Variants in SAMHD1 observed in about 807,000 individuals in gnomAD.
SAMHD1 encodes deoxynucleoside triphosphate triphosphohydrolase SAMHD1.
Under a neutral mutation model 79.6 loss-of-function variants are expected in SAMHD1, and 54 were observed. The ratio of observed to expected loss-of-function variants is 0.68; its 90% confidence interval spans 0.55 to 0.85. SAMHD1 has a LOEUF of 0.85. SAMHD1 is among the 40% of genes least tolerant of loss of function. The pLI, the probability that SAMHD1 is intolerant of heterozygous loss-of-function variation, is 0.00. For missense variants in SAMHD1, 663 were observed against 782.7 expected (o/e 0.85, Z 1.82); for synonymous variants, 260 against 264.1 (o/e 0.98, Z 0.15).
At chr20:36,903,921 A>G in intron 13 of SAMHD1, 1 of 412,414 alleles carries the variant, frequency 2.4e-6, no homozygotes, top group Non-Finnish European at 4.4e-6. Flanking sequence ...GTGTAATTAA[A>G]AATTTTTAAT....
chr20:36,923,213 A>G (rs915018987), intron 6 of SAMHD1, among the ~76,000 whole-genome samples: 7 of 150,732 alleles, frequency 4.6e-5, no homozygotes, highest in Non-Finnish European at 8.9e-5. Flanking sequence ...GTTAGCCAGG[A>G]TGGTCTCAAT....
intron 3 of SAMHD1, among the ~76,000 whole-genome samples, chr20:36,939,390 C>T (rs571448889): frequency 5.2e-4 from 79 of 151,686 alleles, no homozygotes; most frequent in Non-Finnish European, 8.1e-4. Flanking sequence ...GTCAGGAGTT[C>T]GAGACCAGCC....
Position 36,946,766 on chromosome 20 carries a change from C to T in SAMHD1, c.247G>A (p.Glu83Lys). ...ITGALLPCLD[E>K]SRFENLGVSS... Reference sequence around the variant, plus strand: ...ACTCCAAGATTTTCAAAACGAGACTCATCAAGACAAGGCAGTAATGCGCCT... The same window carrying T: ...ACTCCAAGATTTTCAAAACGAGACTTATCAAGACAAGGCAGTAATGCGCCT... Residue 83 changes from glutamate to lysine, a missense_variant, in exon 2 of 16, where the codon GAG becomes AAG. Physicochemically the swap from Glu to Lys is moderately conservative, Grantham distance 56. Coordinates refer to ENST00000646673, the MANE Select transcript of SAMHD1 (RefSeq NM_015474.4). 6.2e-7 allele frequency: 1 copy of T among 1,613,192 alleles called. No homozygotes were observed. The highest frequency in any genetic ancestry group is 8.5e-7 in the Non-Finnish European group (1 of 1,179,424).
In SAMHD1 at chr20:36,890,666, A is replaced by G. The variant is rs924247120; in HGVS notation, c.*2266T>C. ...GCTAATTTTTGTATTTTTAGTAGAGACTGGGTTTCGCCATGCTAGCCAGGC... is the reference window on the plus strand; with the variant it reads ...GCTAATTTTTGTATTTTTAGTAGAGGCTGGGTTTCGCCATGCTAGCCAGGC... On this transcript the variant is annotated 3_prime_UTR_variant, in exon 16 of 16. Coordinates refer to ENST00000646673, the MANE Select transcript of SAMHD1 (RefSeq NM_015474.4). 6.6e-6 allele frequency: 1 copy of G among 151,920 alleles called. No individual in the cohort carries two copies. The highest frequency in any genetic ancestry group is 1.5e-5 in the Non-Finnish European group (1 of 68,012). 9.4% of individuals were successfully genotyped at this position (151,920 alleles called of 1,614,324 possible). A position where few individuals can be genotyped will look rare whatever the true frequency, so the allele number is the denominator to read the frequency against.
chr20:36,897,513 A>G (rs1026314937), intron 15 of SAMHD1: 13 of 424,430 alleles, frequency 3.1e-5, no homozygotes, highest in Non-Finnish European at 5.7e-5. Flanking sequence ...CCTCTGAAAG[A>G]TGGAGACACT....
chr20:36,949,440 A>T (rs1035466209), intron 1 of SAMHD1, among the ~76,000 whole-genome samples: 1 of 149,040 alleles, frequency 6.7e-6, no homozygotes, highest in African/African-American at 2.5e-5. Flanking sequence ...AACATGGCAA[A>T]ACCCTGTCTC....
At chr20:36,951,333 C>A in intron 1 of SAMHD1, 103 bp downstream of exon 1, 2 of 1,529,270 alleles carry the variant, frequency 1.3e-6, no homozygotes, top group Non-Finnish European at 1.8e-6. Flanking sequence ...CCGCAGGGCT[C>A]GCTCCTCGGC....
In SAMHD1 at chr20:36,909,585, C is replaced by T. The variant is rs149937761; in HGVS notation, c.1270+1633G>A. Among the ~76,000 whole-genome samples, 283 of 149,072 alleles carry T rather than the reference C, an allele frequency of 1.9e-3. 1 individual carries two copies. The highest frequency in any genetic ancestry group is 6.5e-3 in the African/African-American group (262 of 40,158). On this transcript the variant is annotated intron_variant, in intron 11 of 15. Coordinates refer to ENST00000646673, the MANE Select transcript of SAMHD1 (RefSeq NM_015474.4). ...ACTCAGGAGGCTGAGGCAGGAGAAT[C>T]GCTTGAACTCAGGAGGCGGAGGTTG...
chr20:36,914,562 G>A (rs1451881682), intron 9 of SAMHD1, among the ~76,000 whole-genome samples: 1 of 151,812 alleles, frequency 6.6e-6, no homozygotes, highest in African/African-American at 2.4e-5. Flanking sequence ...TGTTGCCCAG[G>A]TTGGCCAGGC....
chr20:36,946,535 C>T (rs776808272), intron 2 of SAMHD1: 13 of 516,268 alleles, frequency 2.5e-5, no homozygotes, highest in Non-Finnish European at 3.9e-5. Flanking sequence ...TGCAGTGAGC[C>T]GAGATACTCC....
intron 14 of SAMHD1, among the ~76,000 whole-genome samples, 173 bp downstream of exon 14, chr20:36,898,267 A>T (rs1808569306): frequency 6.6e-6 from 1 of 152,112 alleles, no homozygotes; most frequent in South Asian, 2.1e-4. Flanking sequence ...GTCTCAAGTG[A>T]TCGTCCTGCT....
rs961575949 is a variant in SAMHD1, at chr20:36,946,808, T to C, written c.209-4A>G. On this transcript the variant is annotated splice_region_variant and splice_polypyrimidine_tract_variant and intron_variant, in intron 1 of 15. Transcript: ENST00000646673. ...AATGCGCCTGTGATTTCATTTTCTA[T>C]GGAAGAAAAAAGACAAATTCAATGT... The C allele has an allele frequency of 5.6e-6, 9 of 1,609,334 alleles. No homozygotes were observed. In the African/African-American group the frequency reaches 1.1e-4, roughly 19 times the overall value.
In SAMHD1 at chr20:36,936,542, C is replaced by T. The variant is rs901005054; in HGVS notation, c.349-1353G>A. ...CTTGCTATATTGCCCAGGCTGACCT[C>T]GTGTCCGCCCGCCTCAGCCTCCCGA... is the stretch of plus-strand genomic sequence containing the variant. On this transcript the variant is annotated intron_variant, in intron 3 of 15. Coordinates refer to ENST00000646673, the MANE Select transcript of SAMHD1 (RefSeq NM_015474.4). Among the ~76,000 whole-genome samples the T allele has an allele frequency of 7.9e-5, 12 of 151,930 alleles. No homozygotes were observed. The East Asian group carries it at 1.2e-3, about 15-fold the overall frequency.
At chr20:36,896,942 GT>G (rs1568758670) in intron 15 of SAMHD1, among the ~76,000 whole-genome samples, 1 of 151,700 alleles carries the variant, frequency 6.6e-6, no homozygotes, top group Non-Finnish European at 1.5e-5. Flanking sequence ...TCATGCCTTT[GT>G]GCTCCTCCCA....
At chr20:36,916,465 C>CAAA in intron 9 of SAMHD1, 1 of 335,962 alleles carries the variant, frequency 3.0e-6, no homozygotes, top group East Asian at 6.6e-5. Context: ...GATCCTATTT[C>CAAA]AAAAAAAAAA....
chr20:36,910,525 T>C lies in SAMHD1; in HGVS notation c.1270+693A>G, dbSNP rs990148154. Among the ~76,000 whole-genome samples, 13 of 151,288 alleles carry C rather than the reference T, an allele frequency of 8.6e-5. 1 individual carries two copies. Among genetic ancestry groups the C allele is most frequent in the African/African-American group, 2.9e-4 (12 of 41,080 alleles). ...CGGGTGGATCACATGAGGTCAGGAG[T>C]TCGAGAAGACCCTGGCCAATATGGT... On this transcript the variant is annotated intron_variant, in intron 11 of 15. Coordinates refer to ENST00000646673, the MANE Select transcript of SAMHD1 (RefSeq NM_015474.4).
chr20:36,893,063 CA>C lies in SAMHD1; in HGVS notation c.1749del (p.Asp583GlufsTer5). 1 of 1,613,012 alleles carries C rather than the reference CA, an allele frequency of 6.2e-7. No individual in the cohort carries two copies. The highest frequency in any genetic ancestry group is 8.5e-7 in the Non-Finnish European group (1 of 1,179,976). On this transcript the variant is annotated frameshift_variant and splice_region_variant, in exon 16 of 16. Transcript: ENST00000646673. LOFTEE classifies it low-confidence loss of function (END_TRUNC). ...GTTATGAGTGGGGCTATAACATCGC[CA>C]TCCTATTAGGAAGAGAGAGAAAAAC... ...CADRNFTKPQ[D>X]GDVIAPLITP...
rs951627951 is a variant in SAMHD1, at chr20:36,932,464, T to G, written c.510-1589A>C. On this transcript the variant is annotated intron_variant, in intron 4 of 15. Transcript: ENST00000646673. Reference sequence around the variant, plus strand: ...CGTATACAGTTTCGTGTTTTTTTTTTTTTTTTTTTGAGATGGAGTCTCGCT... The same window carrying G: ...CGTATACAGTTTCGTGTTTTTTTTTGTTTTTTTTTGAGATGGAGTCTCGCT... Among the ~76,000 whole-genome samples the G allele has an allele frequency of 4.6e-4, 67 of 146,642 alleles. 1 individual carries two copies. Among genetic ancestry groups the G allele is most frequent in the Non-Finnish European group, 7.6e-4 (50 of 66,154 alleles).
downstream of SAMHD1, chr20:36,889,851 T>C (rs1425366419): frequency 2.0e-5 from 3 of 152,838 alleles, no homozygotes; most frequent in Non-Finnish European, 2.9e-5. Flanking sequence ...TGCCTAAAAT[T>C]CAACCCCCCC....
Sources: gnomAD v4.1 joint callset for allele counts (sites outside exome capture counted in the v4.1 genomes callset) on GRCh38, gnomAD v4.1.1 for gene constraint, MANE v1.5 for transcripts, NCBI Gene and HGNC (gene_info 2026-07-23, HGNC 2026-07-21) for gene names.